Variants in JAK2 observed in about 807,000 individuals in gnomAD.
JAK2 encodes the protein tyrosine-protein kinase JAK2.
A neutral mutation model predicts 139.3 loss-of-function variants in JAK2; 86 were observed. That is an observed-to-expected ratio of 0.62 (90% CI 0.52 to 0.74). The LOEUF is 0.74. Among genes scored for constraint, JAK2 ranks in the 30% least tolerant of loss-of-function variants. The probability of loss-of-function intolerance (pLI) is 0.00; values close to 1 mark genes in which losing one functional copy is unlikely to be tolerated. For missense variants in JAK2, 1,421 were observed against 1,360.3 expected (o/e 1.04, Z -0.70); for synonymous variants, 490 against 437.7 (o/e 1.12, Z -1.49).
At position 5,050,830 on chromosome 9, in the gene JAK2, A is replaced by G; in HGVS notation, c.613A>G (p.Ser205Gly). ...QTPLAIYNSI[S>G]YKTFLPKCIR... is the part of the protein sequence containing the mutation. ...CCCACTGGCCATCTATAACTCTATC[A>G]GGTAATTTTCTTTTGCAAATCCTTA... The change falls in exon 6 of 25, where the codon AGC (serine) becomes GGC (glycine). Residue 205 changes from serine (S) to glycine (G), a missense_variant and splice_region_variant. Ser to Gly is a moderately conservative substitution (Grantham distance 56). Coordinates refer to ENST00000381652, the MANE Select transcript of JAK2 (RefSeq NM_004972.4). The G allele has an allele frequency of 6.2e-7, 1 of 1,612,656 alleles. No individual in the cohort carries two copies. Among genetic ancestry groups the G allele is most frequent in the Non-Finnish European group, 8.5e-7 (1 of 1,179,048 alleles).
chr9:5,116,103 G>C (rs1294073592), intron 22 of JAK2, among the ~76,000 whole-genome samples: 1 of 151,560 alleles, frequency 6.6e-6, no homozygotes, highest in Non-Finnish European at 1.5e-5. Context: ...GGCTTACATT[G>C]GGCTAAATGC....
chr9:5,081,930 A>C, intron 19 of JAK2, 69 bp downstream of exon 19: 2 of 1,292,638 alleles, frequency 1.5e-6, no homozygotes, highest in Non-Finnish European at 2.2e-6. Flanking sequence ...GAGCGTTTCT[A>C]AAGTTCACTT....
chr9:5,120,171 A>C (rs978490744), intron 22 of JAK2, among the ~76,000 whole-genome samples: 2 of 152,184 alleles, frequency 1.3e-5, no homozygotes, highest in African/African-American at 4.8e-5. Flanking sequence ...TTCAGAGAGG[A>C]GGAACACCAT....
chr9:4,997,008 G>A (rs1001055712), intron 2 of JAK2, among the ~76,000 whole-genome samples: 2 of 145,702 alleles, frequency 1.4e-5, no homozygotes, highest in East Asian at 4.2e-4. Flanking sequence ...GCTCACTGCA[G>A]CCTTGCCTTC....
intron 22 of JAK2, among the ~76,000 whole-genome samples, chr9:5,105,316 A>G (rs1337761952): frequency 1.3e-5 from 2 of 152,210 alleles, no homozygotes; most frequent in African/African-American, 4.8e-5. Flanking sequence ...ATTGCTACAA[A>G]GAGAATAAAA....
intron 19 of JAK2, chr9:5,084,984 AG>A: frequency 3.7e-6 from 3 of 802,750 alleles, no homozygotes; most frequent in Non-Finnish European, 6.2e-6. Flanking sequence ...CAGAAAGAAC[AG>A]AAAGAGTTGT....
chr9:5,111,501 C>G, intron 22 of JAK2: 1 of 368,212 alleles, frequency 2.7e-6, no homozygotes, highest in South Asian at 2.1e-5. Context: ...AGGGATGCCG[C>G]CGCCTATCCA....
intron 22 of JAK2, among the ~76,000 whole-genome samples, chr9:5,106,772 C>T (rs917491478): frequency 2.0e-5 from 3 of 152,104 alleles, no homozygotes; most frequent in Non-Finnish European, 2.9e-5. Context: ...AGCTGGAAAC[C>T]ATCATTCTCA....
intron 2 of JAK2, among the ~76,000 whole-genome samples, chr9:5,001,411 T>C (rs2129843352): frequency 1.3e-5 from 2 of 152,308 alleles, no homozygotes; most frequent in South Asian, 4.1e-4. Context: ...TGTTGACTTT[T>C]GTCAAATGCT....
chr9:5,089,715 A>G lies in JAK2; in HGVS notation c.2613A>G (p.Leu871=), dbSNP rs746588102. 11 of 1,547,712 alleles carry G rather than the reference A, an allele frequency of 7.1e-6. No homozygotes were observed. The highest frequency in any genetic ancestry group is 1.4e-5 in the African/African-American group (1 of 71,632). ...TGGAGATGTGCCGGTATGACCCTCT[A>G]CAGGACAACACTGGGGAGGTGGTCG... ...GSVEMCRYDP[L]QDNTGEVVAV... The change falls in exon 20 of 25, where the codon CTA becomes CTG. Residue 871 remains leucine (L), a synonymous_variant. Coordinates refer to ENST00000381652, the MANE Select transcript of JAK2 (RefSeq NM_004972.4).
chr9:5,055,752 A>C lies in JAK2; in HGVS notation c.1020A>C (p.Arg340=). 6.2e-7 allele frequency: 1 copy of C among 1,610,944 alleles called. No individual in the cohort carries two copies. The highest frequency in any genetic ancestry group is 8.5e-7 in the Non-Finnish European group (1 of 1,177,780). The change falls in exon 8 of 25, where the codon CGA becomes CGC. Residue 340 remains arginine (R), a synonymous_variant. Transcript: ENST00000381652. ...QANQEGSNES[R]VVTIHKQDGK... ...ACCAAGAGGGTTCAAATGAAAGCCG[A>C]GTTGTAACTATCCATAAGCAAGATG...
chr9:5,072,910 G>T (rs992623566), intron 13 of JAK2, among the ~76,000 whole-genome samples: 2 of 152,070 alleles, frequency 1.3e-5, no homozygotes, highest in African/African-American at 2.4e-5. Flanking sequence ...GCTCCCCAGA[G>T]CTTTATGGGT....
chr9:5,096,811 GAGATGACC>G (rs1194990581), intron 22 of JAK2: 3 of 152,162 alleles, frequency 2.0e-5, no homozygotes, highest in African/African-American at 7.2e-5. Context: ...ACTCTGCTAG[GAGATGACC>G]AGATCTATAA....
chr9:5,116,348 T>C (rs1823173854), intron 22 of JAK2, among the ~76,000 whole-genome samples: 2 of 152,212 alleles, frequency 1.3e-5, no homozygotes, highest in African/African-American at 4.8e-5. Context: ...TGGGTAGGTT[T>C]GAAATTTTTC....
chr9:5,006,652 G>A (rs888114246), intron 2 of JAK2, among the ~76,000 whole-genome samples: 5 of 152,070 alleles, frequency 3.3e-5, no homozygotes, highest in Non-Finnish European at 7.4e-5. Flanking sequence ...AGCAAAGGAC[G>A]ACATGCTGCA....
rs764059863 is a variant in JAK2 at position 5,078,455 on chromosome 9, G to A, written c.2131+11G>A. 18 of 1,608,026 alleles carry A rather than the reference G, an allele frequency of 1.1e-5. No homozygotes were observed. The highest frequency in any genetic ancestry group is 1.4e-5 in the Non-Finnish European group (17 of 1,175,956). ...TTTTGCCAAAGGACAGTAAGTTCTA[G>A]AAGGATTATATATAATGTTACTAAG... On this transcript the variant is annotated intron_variant, in intron 16 of 24. Transcript: ENST00000381652.
intron 22 of JAK2, chr9:5,099,181 T>G (rs1051405756): frequency 2.0e-5 from 3 of 152,232 alleles, no homozygotes; most frequent in Non-Finnish European, 4.4e-5. Flanking sequence ...AATCCCCAGA[T>G]GCTTAAATCA....
chr9:5,027,256 A>G (rs1418087533), intron 3 of JAK2, among the ~76,000 whole-genome samples: 1 of 152,246 alleles, frequency 6.6e-6, no homozygotes, highest in East Asian at 1.9e-4. Context: ...AGTGAAGCAA[A>G]TATTGCAATA....
At chr9:5,094,126 T>C (rs1296640612) in intron 22 of JAK2, 1 of 152,142 alleles carries the variant, frequency 6.6e-6, no homozygotes, top group Non-Finnish European at 1.5e-5. Context: ...TTTTCCTACT[T>C]ATATTCCCAC....
Sources: gnomAD v4.1 joint callset for allele counts (sites outside exome capture counted in the v4.1 genomes callset) on GRCh38, gnomAD v4.1.1 for gene constraint, MANE v1.5 for transcripts, NCBI Gene and HGNC (gene_info 2026-07-23, HGNC 2026-07-21) for gene names.